SERPINB2: variants seen among roughly 807,000 people sequenced by gnomAD.
The protein encoded by SERPINB2 is plasminogen activator inhibitor 2.
Under a neutral mutation model 39.4 loss-of-function variants are expected in SERPINB2, and 28 were observed. The ratio of observed to expected loss-of-function variants is 0.71; its 90% CI spans 0.53 to 0.97. The LOEUF (loss-of-function observed/expected upper bound fraction) is 0.97, where lower values mean the gene tolerates loss of function less well. Ranked by LOEUF, SERPINB2 falls within the 50% of genes least tolerant of loss-of-function variation. The probability of loss-of-function intolerance (pLI) is 0.00; values close to 1 mark genes in which losing one functional copy is unlikely to be tolerated. For synonymous variants in SERPINB2, 209 were observed against 175.1 expected (o/e 1.19, Z -1.53); for missense variants, 557 against 505.3 (o/e 1.10, Z -0.98).
rs2049997408 is a variant in SERPINB2, at chr18:63,902,397, ATAT to A, written c.679-4_679-2del. 6.5e-7 allele frequency: 1 copy of A among 1,549,716 alleles called. No individual in the cohort carries two copies. The highest frequency in any genetic ancestry group is 8.7e-7 in the Non-Finnish European group (1 of 1,148,266). ...GACTTCCATATTTTACCTTTTAATA[ATAT>A]TAGGCTCAGCGCACACCTGTACAGA... On this transcript the variant is annotated splice_polypyrimidine_tract_variant and splice_region_variant and intron_variant, in intron 6 of 7. Coordinates refer to ENST00000299502, the MANE Select transcript of SERPINB2 (RefSeq NM_002575.3).
intron 6 of SERPINB2, among the ~76,000 whole-genome samples, chr18:63,902,192 G>T (rs1320811955): frequency 6.6e-6 from 1 of 152,108 alleles, no homozygotes; most frequent in African/African-American, 2.4e-5. Flanking sequence ...CATTACCATT[G>T]TTGTCCATCT....
chr18:63,893,058 G>C (rs1003298863), intron 2 of SERPINB2, among the ~76,000 whole-genome samples: 1 of 151,898 alleles, frequency 6.6e-6, no homozygotes, highest in African/African-American at 2.4e-5. Flanking sequence ...TCAGCCTCCC[G>C]AGTAGCTGGG....
chr18:63,888,306 T>G (rs1051298720), intron 1 of SERPINB2, among the ~76,000 whole-genome samples: 1 of 152,192 alleles, frequency 6.6e-6, no homozygotes, highest in Non-Finnish European at 1.5e-5. Context: ...CAATAATGGG[T>G]CAATTTAGTG....
At chr18:63,897,513 C>T (rs929457436) in intron 4 of SERPINB2, among the ~76,000 whole-genome samples, 29 of 152,120 alleles carry the variant, frequency 1.9e-4, no homozygotes, top group African/African-American at 7.0e-4. Flanking sequence ...CTCTATAATG[C>T]AAGGAGTACA....
chr18:63,903,522 C>T lies in SERPINB2; in HGVS notation c.*217C>T, dbSNP rs1417939568. On this transcript the variant is annotated 3_prime_UTR_variant, in exon 8 of 8. Coordinates refer to ENST00000299502, the MANE Select transcript of SERPINB2 (RefSeq NM_002575.3). The stretch of plus-strand genomic sequence containing the variant: ...ATCATTTGGTCTTCTAAAATGGGAT[C>T]ATGCCCATTTAGATTTTCCTTACTA... 1.7e-5 allele frequency: 6 copies of T among 355,756 alleles called. No individual in the cohort carries two copies. Among genetic ancestry groups the T allele is most frequent in the Admixed American group, 4.8e-5 (1 of 21,034 alleles). The allele number at this position is 355,756 out of a possible 1,614,324, so 22.0% of individuals were successfully genotyped here.
At chr18:63,900,952 A>C (rs1241137878) in intron 5 of SERPINB2, among the ~76,000 whole-genome samples, 1 of 152,180 alleles carries the variant, frequency 6.6e-6, no homozygotes, top group Admixed American at 6.5e-5. Flanking sequence ...ATAAAATGAC[A>C]CTAATAAAAC....
chr18:63,889,592 A>G (rs2049912783), intron 1 of SERPINB2, among the ~76,000 whole-genome samples: 1 of 152,138 alleles, frequency 6.6e-6, no homozygotes, highest in South Asian at 2.1e-4. Flanking sequence ...TATTTGTGTT[A>G]TTAATACTCA....
Position 63,891,564 on chromosome 18 carries a change from C to T in SERPINB2, c.120C>T (p.Ala40=). 1 of 1,614,184 alleles carries T rather than the reference C, an allele frequency of 6.2e-7. No homozygotes were observed. The highest frequency in any genetic ancestry group is 8.5e-7 in the Non-Finnish European group (1 of 1,180,002). The change falls in exon 2 of 8, where the codon GCC becomes GCT. Residue 40 remains alanine (A), a synonymous_variant. Transcript: ENST00000299502. The part of the protein sequence containing the change: ...LSPWSISSTM[A]MVYMGSRGST... ...CATGGAGCATCTCGTCCACCATGGC[C>T]ATGGTCTACATGGGCTCCAGGGGCA... is the stretch of plus-strand genomic sequence containing the variant.
intron 5 of SERPINB2, among the ~76,000 whole-genome samples, chr18:63,899,860 GATTT>G (rs755518799): frequency 3.3e-5 from 5 of 152,038 alleles, no homozygotes; most frequent in Non-Finnish European, 5.9e-5. Flanking sequence ...AGTGCTATGG[GATTT>G]CAAAAAATAT....
rs2049998140 is a variant in SERPINB2, at chr18:63,902,460, C to A, written c.735C>A (p.Tyr245Ter). Reference sequence around the variant, plus strand: ...TGCGTGAAAAGCTAAACATTGGATACATAGAAGACCTAAAGGCTCAGATTC... The same window carrying A: ...TGCGTGAAAAGCTAAACATTGGATAAATAGAAGACCTAAAGGCTCAGATTC... Reference protein sequence around the residue: ...MYLREKLNIGYIEDLKAQILE... With the variant: ...MYLREKLNIG Residue 245 changes from tyrosine to a stop codon, truncating the protein, a stop_gained, in exon 7 of 8, where the codon TAC (tyrosine) becomes TAA (stop). Transcript: ENST00000299502. LOFTEE classifies it high-confidence loss of function. 2 of 1,613,500 alleles carry A rather than the reference C, an allele frequency of 1.2e-6. No individual in the cohort carries two copies. The highest frequency in any genetic ancestry group is 1.7e-6 in the Non-Finnish European group (2 of 1,179,620).
At chr18:63,895,563 G>A (rs4616382) in intron 3 of SERPINB2, among the ~76,000 whole-genome samples, 180 bp downstream of exon 3, 40,026 of 151,900 alleles carry the variant, frequency 0.26, 5,686 homozygotes, top group East Asian at 0.48. Context: ...AACGAGAGAC[G>A]AGCCAGGACA....
intron 7 of SERPINB2, 71 bp downstream of exon 7, chr18:63,902,639 C>A: frequency 7.4e-7 from 1 of 1,359,058 alleles, no homozygotes; most frequent in Middle Eastern, 1.9e-4. Flanking sequence ...ATATATACTC[C>A]TTACAAATGG....
chr18:63,901,934 A>C, intron 6 of SERPINB2, 52 bp downstream of exon 6: 2 of 1,544,176 alleles, frequency 1.3e-6, no homozygotes, highest in Non-Finnish European at 1.7e-6. Flanking sequence ...GGCTTTTGAC[A>C]AGATATAGAC....
Position 63,891,586 on chromosome 18 carries a change from G to A in SERPINB2, c.142G>A (p.Gly48Ser), listed in dbSNP as rs1173438421. Residue 48 changes from glycine (G) to serine (S), a missense_variant, in exon 2 of 8, where the codon GGC becomes AGC. Transcript: ENST00000299502. ...GGCCATGGTCTACATGGGCTCCAGGGGCAGCACCGAAGACCAGATGGCCAA... is the reference window on the plus strand; with the variant it reads ...GGCCATGGTCTACATGGGCTCCAGGAGCAGCACCGAAGACCAGATGGCCAA... The part of the protein sequence containing the change: ...TMAMVYMGSR[G>S]STEDQMAKVL... 1.2e-6 allele frequency: 2 copies of A among 1,613,942 alleles called. No individual in the cohort carries two copies. Among genetic ancestry groups the A allele is most frequent in the Non-Finnish European group, 8.5e-7 (1 of 1,179,898 alleles).
At chr18:63,891,293 C>G in intron 1 of SERPINB2, 143 bp from the exon 2 acceptor site, 1 of 836,072 alleles carries the variant, frequency 1.2e-6, no homozygotes, top group Non-Finnish European at 1.9e-6. Context: ...CTGTCCCTGA[C>G]CTGCCTCATG....
At position 63,895,320 on chromosome 18, in the gene SERPINB2, C is replaced by G. The variant is rs200884637; in HGVS notation, c.225C>G (p.Asn75Lys). 6.2e-7 allele frequency: 1 copy of G among 1,614,126 alleles called. No individual in the cohort carries two copies. Among genetic ancestry groups the G allele is most frequent in the Non-Finnish European group, 8.5e-7 (1 of 1,180,012 alleles). Residue 75 changes from asparagine (N) to lysine (K), a missense_variant, in exon 3 of 8, where the codon AAC (asparagine) becomes AAG (lysine). Transcript: ENST00000299502. ...ANAVTPMTPENFTSCGFMQQI... is the reference protein window; with the variant it reads ...ANAVTPMTPEKFTSCGFMQQI... The stretch of plus-strand genomic sequence containing the variant: ...CAGTTACCCCCATGACTCCAGAGAA[C>G]TTTACCAGCTGTGGGTTCATGCAGC...
chr18:63,888,331 G>C (rs1017006894), intron 1 of SERPINB2, among the ~76,000 whole-genome samples: 1 of 152,156 alleles, frequency 6.6e-6, no homozygotes, highest in Admixed American at 6.5e-5. Context: ...AGAATAATCA[G>C]CCAAAGTAGT....
At chr18:63,900,525 G>C (rs2049985031) in intron 5 of SERPINB2, among the ~76,000 whole-genome samples, 1 of 152,170 alleles carries the variant, frequency 6.6e-6, no homozygotes. Context: ...ACTGTGCTGA[G>C]AGGCACAGCT....
chr18:63,903,341 G>T lies in SERPINB2; in HGVS notation c.*36G>T, dbSNP rs761033114. The T allele has an allele frequency of 6.1e-6, 9 of 1,477,576 alleles. No homozygotes were observed. The highest frequency in any genetic ancestry group is 7.2e-6 in the Non-Finnish European group (8 of 1,114,858). 91.5% of individuals were successfully genotyped at this position (1,477,576 alleles called of 1,614,324 possible). A position where few individuals can be genotyped will look rare whatever the true frequency, so the allele number is the denominator to read the frequency against. On this transcript the variant is annotated 3_prime_UTR_variant, in exon 8 of 8. Coordinates refer to ENST00000299502, the MANE Select transcript of SERPINB2 (RefSeq NM_002575.3). The stretch of plus-strand genomic sequence containing the variant: ...GCTGCTTCTGCAAAAGATTTTTGTA[G>T]ATGAGCTGTGTGCCTCAGAATTGCT...
Sources: allele counts gnomAD v4.1 joint callset (sites outside exome capture counted in the v4.1 genomes callset), GRCh38; gene constraint gnomAD v4.1.1; transcripts MANE v1.5; gene names NCBI Gene and HGNC (gene_info 2026-07-23, HGNC 2026-07-21).